CCDC178: variants seen among roughly 807,000 people sequenced by gnomAD.
CCDC178 encodes coiled-coil domain-containing protein 178.
Under a neutral mutation model 117.4 loss-of-function variants are expected in CCDC178, and 126 were observed. That is an observed-to-expected ratio of 1.07 (90% CI 0.93 to 1.24). CCDC178 has a LOEUF of 1.24. CCDC178 is among the 50% of genes most tolerant of loss of function. The pLI, the probability that CCDC178 is intolerant of heterozygous loss-of-function variation, is 0.00. For missense variants in CCDC178, 1,030 were observed against 986.9 expected (o/e 1.04, Z -0.59); for synonymous variants, 283 against 313.4 (o/e 0.90, Z 1.02).
At chr18:32,950,441 T>C (rs1275952280) in intron 22 of CCDC178, among the ~76,000 whole-genome samples, 4 of 152,216 alleles carry the variant, frequency 2.6e-5, no homozygotes, top group African/African-American at 9.6e-5. Context: ...AAAACTATTG[T>C]TCCATATGCT....
intron 20 of CCDC178, among the ~76,000 whole-genome samples, chr18:33,153,613 A>C (rs1431413281): frequency 2.0e-5 from 3 of 152,160 alleles, no homozygotes; most frequent in Non-Finnish European, 4.4e-5. Flanking sequence ...TACAAAAATA[A>C]ATAGAAGCAT....
At chr18:33,059,097 A>G (rs1428164723) in intron 21 of CCDC178, among the ~76,000 whole-genome samples, 2 of 152,196 alleles carry the variant, frequency 1.3e-5, no homozygotes, top group African/African-American at 4.8e-5. Flanking sequence ...GGGGGCTAAT[A>G]GCTTTGAATT....
chr18:33,176,671 C>G (rs1207423536), intron 20 of CCDC178, among the ~76,000 whole-genome samples: 2 of 152,226 alleles, frequency 1.3e-5, no homozygotes, highest in Non-Finnish European at 2.9e-5. Flanking sequence ...TCCTATCCTC[C>G]TTAGATACCA....
chr18:33,266,866 T>C, intron 14 of CCDC178, 50 bp downstream of exon 14: 1 of 1,422,116 alleles, frequency 7.0e-7, no homozygotes, highest in Non-Finnish European at 9.5e-7. Context: ...TTTATTGTAT[T>C]TAACATATTG....
chr18:33,351,934 T>C lies in CCDC178; in HGVS notation c.372-2959A>G, dbSNP rs1205370112. On this transcript the variant is annotated intron_variant, in intron 7 of 22. Transcript: ENST00000383096. ...CACTATCATGTTATTGCTGGGCTCA[T>C]AGGATGACTTAGAAATTATTCTCTT... 5.3e-5 allele frequency among the ~76,000 whole-genome samples: 8 copies of C among 152,214 alleles called. No individual in the cohort carries two copies. In the South Asian group the frequency reaches 6.2e-4, roughly 12 times the overall value.
At chr18:33,388,720 C>T (rs2063527036) in intron 5 of CCDC178, among the ~76,000 whole-genome samples, 1 of 150,594 alleles carries the variant, frequency 6.6e-6, no homozygotes, top group African/African-American at 2.5e-5. Context: ...GGGGTTTCAC[C>T]GTTTTAGCCG....
intron 21 of CCDC178, among the ~76,000 whole-genome samples, chr18:33,054,695 A>T (rs2056800962): frequency 6.6e-6 from 1 of 152,158 alleles, no homozygotes; most frequent in Non-Finnish European, 1.5e-5. Context: ...GGTAGATTCT[A>T]TGTCTTTGCT....
chr18:33,212,269 A>G (rs1290527561), intron 19 of CCDC178, among the ~76,000 whole-genome samples: 2 of 152,018 alleles, frequency 1.3e-5, no homozygotes, highest in South Asian at 2.1e-4. Flanking sequence ...AGAACAGTGT[A>G]TTCTCTTGGT....
At chr18:33,307,330 A>G (rs1466907819) in intron 11 of CCDC178, among the ~76,000 whole-genome samples, 1 of 152,220 alleles carries the variant, frequency 6.6e-6, no homozygotes, top group Non-Finnish European at 1.5e-5. Context: ...GATGGAAATT[A>G]GGAACATTTT....
chr18:33,260,298 G>A (rs1289904233), intron 14 of CCDC178, among the ~76,000 whole-genome samples: 1 of 152,016 alleles, frequency 6.6e-6, no homozygotes, highest in Non-Finnish European at 1.5e-5. Flanking sequence ...TCCTTTGTAT[G>A]ACTATGTTAT....
intron 15 of CCDC178, among the ~76,000 whole-genome samples, chr18:33,241,098 A>T (rs2059482188): frequency 6.6e-6 from 1 of 151,998 alleles, no homozygotes; most frequent in Non-Finnish European, 1.5e-5. Flanking sequence ...CAAAAAGCAC[A>T]TGGTTATCTT....
At chr18:33,122,729 T>C (rs2057954027) in intron 20 of CCDC178, among the ~76,000 whole-genome samples, 1 of 152,154 alleles carries the variant, frequency 6.6e-6, no homozygotes, top group Non-Finnish European at 1.5e-5. Flanking sequence ...CCCAGAGAAT[T>C]TGAGAGGACC....
chr18:33,217,181 A>G (rs1367255490), intron 18 of CCDC178, among the ~76,000 whole-genome samples: 2 of 152,104 alleles, frequency 1.3e-5, no homozygotes, highest in African/African-American at 4.8e-5. Flanking sequence ...TAGTTTCATT[A>G]TAGAATGATT....
intron 11 of CCDC178, among the ~76,000 whole-genome samples, chr18:33,319,099 T>G (rs1256684612): frequency 2.6e-5 from 4 of 152,124 alleles, no homozygotes; most frequent in Admixed American, 2.0e-4. Flanking sequence ...CGTGTAGGTT[T>G]CTTACATATG....
At chr18:33,318,028 C>G (rs908566168) in intron 11 of CCDC178, among the ~76,000 whole-genome samples, 1 of 152,122 alleles carries the variant, frequency 6.6e-6, no homozygotes, top group Admixed American at 6.5e-5. Flanking sequence ...AAAAATGAAG[C>G]AGCACTCTGG....
At chr18:33,045,558 G>A (rs558597257) in intron 21 of CCDC178, among the ~76,000 whole-genome samples, 8 of 152,200 alleles carry the variant, frequency 5.3e-5, no homozygotes, top group Non-Finnish European at 1.2e-4. Context: ...ATAGTCTAAT[G>A]CTCATGAAAA....
intron 21 of CCDC178, among the ~76,000 whole-genome samples, chr18:33,081,635 C>T (rs1253634659): frequency 1.3e-5 from 2 of 152,086 alleles, no homozygotes; most frequent in East Asian, 1.9e-4. Flanking sequence ...TTCTCAATAA[C>T]CTAGGAGTAC....
At chr18:33,437,786 A>G (rs1399104071) in intron 2 of CCDC178, 1 of 152,160 alleles carries the variant, frequency 6.6e-6, no homozygotes, top group Non-Finnish European at 1.5e-5. Context: ...GCTGCGGAAA[A>G]TGGTAAAAAT....
At chr18:33,147,434 T>A (rs1374276319) in intron 20 of CCDC178, among the ~76,000 whole-genome samples, 2 of 144,666 alleles carry the variant, frequency 1.4e-5, no homozygotes, top group African/African-American at 5.2e-5. Context: ...TTTGGCAGGG[T>A]CATAGGACAA....
Sources: allele counts gnomAD v4.1 joint callset (sites outside exome capture counted in the v4.1 genomes callset), GRCh38; gene constraint gnomAD v4.1.1; transcripts MANE v1.5; gene names NCBI Gene and HGNC (gene_info 2026-07-23, HGNC 2026-07-21).